Variants in ZFC3H1 observed in about 807,000 individuals in gnomAD.
ZFC3H1 encodes the protein zinc finger C3H1-type containing, also known as zinc finger C3H1 domain-containing protein.
A neutral mutation model predicts 243.7 loss-of-function variants in ZFC3H1; 71 were observed. That is an observed-to-expected ratio of 0.29 (90% CI 0.24 to 0.36). The LOEUF (loss-of-function observed/expected upper bound fraction) is 0.36, where lower values mean the gene tolerates loss of function less well. ZFC3H1 is among the 10% of genes least tolerant of loss of function. ZFC3H1 has a pLI of 1.00. For missense variants in ZFC3H1, 1,966 were observed against 2,317.1 expected (o/e 0.85, Z 3.11); for synonymous variants, 838 against 813.0 (o/e 1.03, Z -0.52).
intron 6 of ZFC3H1, 49 bp from the exon 7 acceptor site, chr12:71,638,564 A>T (rs957811139): frequency 7.2e-7 from 1 of 1,393,566 alleles, no homozygotes; most frequent in Non-Finnish European, 9.9e-7. Flanking sequence ...ATACTTCATC[A>T]GGAATATATT....
intron 24 of ZFC3H1, among the ~76,000 whole-genome samples, chr12:71,621,532 G>T (rs1019338674): frequency 6.6e-6 from 1 of 151,942 alleles, no homozygotes; most frequent in Non-Finnish European, 1.5e-5. Context: ...TCAAACTCCT[G>T]ACCTCAAGTG....
At position 71,637,415 on chromosome 12, in the gene ZFC3H1, A is replaced by G. The variant is rs181787152; in HGVS notation, c.1726-356T>C. The stretch of plus-strand genomic sequence containing the variant: ...TAGATGACTACCTGAAAGCAAGTAG[A>G]GGTACTGAAACCCAAGACATAATAT... On this transcript the variant is annotated intron_variant, in intron 7 of 34. Transcript: ENST00000378743. 5.9e-5 allele frequency among the ~76,000 whole-genome samples: 9 copies of G among 152,312 alleles called. No homozygotes were observed. The East Asian group carries it at 1.5e-3, about 26-fold the overall frequency.
Position 71,632,956 on chromosome 12 carries a change from T to C in ZFC3H1, c.2747A>G (p.Glu916Gly). 1 of 1,613,706 alleles carries C rather than the reference T, an allele frequency of 6.2e-7. No individual in the cohort carries two copies. Among genetic ancestry groups the C allele is most frequent in the Non-Finnish European group, 8.5e-7 (1 of 1,179,888 alleles). ...GGCCACTGCCTTTGCCCGAGCAAGC[T>C]CTTCTCCATATTTTAGAGTCAAAGC... Reference protein sequence around the residue: ...KKALTLKYGEELARAKAVASK... With the variant: ...KKALTLKYGEGLARAKAVASK... Residue 916 changes from glutamate to glycine, a missense_variant, in exon 14 of 35, where the codon GAG (glutamate) becomes GGG (glycine). This residue lies in a region of ZFC3H1 where 1,383 missense variants were observed against 1,723.7 expected (regional missense o/e 0.80). Transcript: ENST00000378743.
intron 21 of ZFC3H1, among the ~76,000 whole-genome samples, chr12:71,626,739 A>G (rs1407911692): frequency 2.0e-5 from 3 of 152,210 alleles, no homozygotes; most frequent in South Asian, 4.1e-4. Flanking sequence ...AATGTGCTTT[A>G]TGTCCATATT....
intron 30 of ZFC3H1, 89 bp from the exon 31 acceptor site, chr12:71,613,524 CT>C (rs766469482): frequency 3.5e-4 from 270 of 766,914 alleles, no homozygotes; most frequent in Non-Finnish European, 4.8e-4. Flanking sequence ...CCAAAATGGT[CT>C]TTAAGATATG....
rs1017091786 is a variant in ZFC3H1 at position 71,610,972 on chromosome 12, C to T, written c.5769+86G>A. The T allele has an allele frequency of 6.4e-6, 10 of 1,552,514 alleles. No individual in the cohort carries two copies. The East Asian group carries it at 2.2e-4, about 35-fold the overall frequency. ...TGTGCATGAAATGTTAACTTCTGTG[C>T]TTTAATTCTTTTAAATTGAGAAGTC... On this transcript the variant is annotated intron_variant, in intron 33 of 34. Transcript: ENST00000378743.
chr12:71,611,017 CTT>C (rs1440876948), intron 33 of ZFC3H1, 39 bp downstream of exon 33: 1 of 1,572,938 alleles, frequency 6.4e-7, no homozygotes, highest in Non-Finnish European at 8.6e-7. Flanking sequence ...GACAGAAAAA[CTT>C]TTTAAAAGTG....
At chr12:71,660,809 T>C (rs1224354612) in intron 1 of ZFC3H1, among the ~76,000 whole-genome samples, 1 of 152,042 alleles carries the variant, frequency 6.6e-6, no homozygotes, top group South Asian at 2.1e-4. Flanking sequence ...ACAGGTTTCA[T>C]CTTTGTACCT....
chr12:71,656,186 T>C (rs542061216), intron 2 of ZFC3H1, among the ~76,000 whole-genome samples: 2 of 152,278 alleles, frequency 1.3e-5, no homozygotes, highest in South Asian at 4.1e-4. Flanking sequence ...AAGAATTCTG[T>C]ATCTTAATGG....
chr12:71,662,568 G>C (rs143025339), intron 1 of ZFC3H1, among the ~76,000 whole-genome samples: 1 of 147,318 alleles, frequency 6.8e-6, no homozygotes, highest in African/African-American at 2.5e-5. Flanking sequence ...AATAGTGCAG[G>C]ACTGTGCAGA....
At chr12:71,650,115 G>C (rs1210770808) in intron 2 of ZFC3H1, among the ~76,000 whole-genome samples, 1 of 152,104 alleles carries the variant, frequency 6.6e-6, no homozygotes, top group Non-Finnish European at 1.5e-5. Context: ...GTGAACCTGG[G>C]AGGTGGAGCC....
intron 7 of ZFC3H1, among the ~76,000 whole-genome samples, chr12:71,637,767 T>A (rs1393571852): frequency 6.6e-6 from 1 of 152,152 alleles, no homozygotes; most frequent in South Asian, 2.1e-4. Context: ...ACACTAGACG[T>A]CTTTCCTGAA....
chr12:71,619,829 CAAAG>C lies in ZFC3H1; in HGVS notation c.5049+93_5049+96del, dbSNP rs1319353350. 196 of 1,142,066 alleles carry C rather than the reference CAAAG, an allele frequency of 1.7e-4. No individual in the cohort carries two copies. The African/African-American group carries it at 2.8e-3, about 16-fold the overall frequency. The allele number at this position is 1,142,066 out of a possible 1,614,324, so 70.7% of individuals were successfully genotyped here. On this transcript the variant is annotated intron_variant, in intron 26 of 34. Coordinates refer to ENST00000378743, the MANE Select transcript of ZFC3H1 (RefSeq NM_144982.5). ...GAGAAGGAACACCTAACACTGCTTG[CAAAG>C]GGTAAAAGGACCAGGAAACACTTCC...
rs761791716 is a variant in ZFC3H1 at position 71,644,359 on chromosome 12, G to A, written c.1280-41C>T. 43 of 1,566,924 alleles carry A rather than the reference G, an allele frequency of 2.7e-5. No homozygotes were observed. In the South Asian group the frequency reaches 4.5e-4, roughly 17 times the overall value. On this transcript the variant is annotated intron_variant, in intron 4 of 34. Transcript: ENST00000378743. Reference sequence around the variant, plus strand: ...ACATAAACATTAGCATCTGTTAGGAGATAAAAGAAAAATAAGAGTCTTAAA... The same window carrying A: ...ACATAAACATTAGCATCTGTTAGGAAATAAAAGAAAAATAAGAGTCTTAAA...
chr12:71,632,649 T>C, intron 14 of ZFC3H1, 135 bp from the exon 15 acceptor site: 1 of 1,286,646 alleles, frequency 7.8e-7, no homozygotes, highest in East Asian at 2.6e-5. Flanking sequence ...TAAAACAGAG[T>C]TTAACATAAG....
At chr12:71,634,578 T>G in intron 11 of ZFC3H1, 126 bp downstream of exon 11, 1 of 1,165,660 alleles carries the variant, frequency 8.6e-7, no homozygotes, top group Middle Eastern at 3.0e-4. Flanking sequence ...GTGTGAGTTA[T>G]AAAACATTAA....
rs779869513 is a variant in ZFC3H1, at chr12:71,638,453, G to C, written c.1690C>G (p.Pro564Ala). The C allele has an allele frequency of 1.9e-6, 3 of 1,612,970 alleles. No homozygotes were observed. In the African/African-American group the frequency reaches 4.0e-5, roughly 22 times the overall value. ...GGTGGTGGAGGCAAAGAAAGAGATG[G>C]TGCTGGAGAAAAATACCCCAATGAA... is the stretch of plus-strand genomic sequence containing the variant. Reference protein sequence around the residue: ...ECSLGYFSPAPSLSLPPPPQV... With the variant: ...ECSLGYFSPAASLSLPPPPQV... Residue 564 changes from proline (P) to alanine (A), a missense_variant, in exon 7 of 35, where the codon CCA (proline) becomes GCA (alanine). Transcript: ENST00000378743.
chr12:71,637,830 G>A (rs773166673), intron 7 of ZFC3H1, among the ~76,000 whole-genome samples: 7 of 152,034 alleles, frequency 4.6e-5, no homozygotes, highest in Non-Finnish European at 8.8e-5. Flanking sequence ...TGATCTCTAG[G>A]TCCTCTCAAT....
In ZFC3H1 at chr12:71,620,040, T is replaced by C; in HGVS notation, c.4935A>G (p.Leu1645=). 5 of 1,613,712 alleles carry C rather than the reference T, an allele frequency of 3.1e-6. No homozygotes were observed. Among genetic ancestry groups the C allele is most frequent in the Middle Eastern group, 3.3e-4 (2 of 6,060 alleles). Residue 1645 remains leucine, a synonymous_variant, in exon 26 of 35, where the codon TTA becomes TTG. Coordinates refer to ENST00000378743, the MANE Select transcript of ZFC3H1 (RefSeq NM_144982.5). ...NCQLLEALVA[L]YLQTNQHDKA... Reference sequence around the variant, plus strand: ...TGTCATGCTGATTTGTTTGCAAATATAATGCAACAAGAGCTTCCAGCAACT... The same window carrying C: ...TGTCATGCTGATTTGTTTGCAAATACAATGCAACAAGAGCTTCCAGCAACT...
Sources: gnomAD v4.1 joint callset for allele counts (sites outside exome capture counted in the v4.1 genomes callset) on GRCh38, gnomAD v4.1.1 for gene constraint, gnomAD v4.1.1 regional missense constraint, MANE v1.5 for transcripts, NCBI Gene and HGNC (gene_info 2026-07-23, HGNC 2026-07-21) for gene names.